GNG4: variants seen among roughly 807,000 people sequenced by gnomAD.
GNG4 encodes guanine nucleotide-binding protein G(I)/G(S)/G(O) subunit gamma-4.
In GNG4, 4 loss-of-function variants were observed where a neutral mutation model predicts 5.8. That is an observed-to-expected ratio of 0.69 (90% confidence interval 0.34 to 1.57). GNG4 has a LOEUF of 1.57. GNG4 is among the 40% of genes most tolerant of loss of function. The pLI is 0.06. For missense variants in GNG4, 96 were observed against 95.1 expected, an observed-to-expected ratio of 1.01 and a Z score of -0.04; for synonymous variants, 29 against 32.9, an observed-to-expected ratio of 0.88 and a Z score of 0.41.
intron 1 of GNG4, among the ~76,000 whole-genome samples, chr1:235,647,393 T>C (rs894585585): frequency 6.6e-6 from 1 of 151,932 alleles, no homozygotes; most frequent in Non-Finnish European, 1.5e-5. Flanking sequence ...TATTAGGCAT[T>C]CTCCCCTCTC....
chr1:235,638,040 G>A (rs904239353), intron 1 of GNG4, among the ~76,000 whole-genome samples: 2 of 152,172 alleles, frequency 1.3e-5, no homozygotes, highest in East Asian at 1.9e-4. Context: ...TCCTGCCTGC[G>A]CATCTGGCCA....
At chr1:235,600,434 GTGTGTA>G (rs756161951) in intron 1 of GNG4, among the ~76,000 whole-genome samples, 2,892 of 106,252 alleles carry the variant, frequency 0.027, 87 homozygotes, top group African/African-American at 0.098. Flanking sequence ...GTGTGTGTGT[GTGTGTA>G]TATGTGTGTG....
At chr1:235,611,053 A>C (rs1405578620) in intron 1 of GNG4, among the ~76,000 whole-genome samples, 3 of 152,236 alleles carry the variant, frequency 2.0e-5, no homozygotes, top group Admixed American at 1.3e-4. Context: ...GTGCCACTGC[A>C]ATCCAGCCTG....
intron 3 of GNG4, among the ~76,000 whole-genome samples, chr1:235,579,444 ACC>A (rs200896661): frequency 1.8e-4 from 27 of 151,412 alleles, no homozygotes; most frequent in Non-Finnish European, 3.2e-4. Flanking sequence ...ATAAAAAAAA[ACC>A]CAGAAAACAA....
chr1:235,551,989 C>T lies in GNG4; in HGVS notation c.*120G>A, dbSNP rs988613293. 22 of 739,128 alleles carry T rather than the reference C, an allele frequency of 3.0e-5. No individual in the cohort carries two copies. Among genetic ancestry groups the T allele is most frequent in the Admixed American group, 4.7e-5 (2 of 42,468 alleles). The allele number at this position is 739,128 out of a possible 1,614,324, so 45.8% of individuals were successfully genotyped here. ...ACAGATGGAAACATAAGACAAGCCCCGGCCACTGTTGGCTGGGCAGGGATG... is the reference window on the plus strand; with the variant it reads ...ACAGATGGAAACATAAGACAAGCCCTGGCCACTGTTGGCTGGGCAGGGATG... On this transcript the variant is annotated 3_prime_UTR_variant, in exon 4 of 4. Transcript: ENST00000391854.
chr1:235,619,525 G>T (rs1190388179), intron 1 of GNG4, among the ~76,000 whole-genome samples: 1 of 152,148 alleles, frequency 6.6e-6, no homozygotes, highest in Non-Finnish European at 1.5e-5. Context: ...TCCTTATCTT[G>T]CCTGTTGACT....
chr1:235,621,008 G>A (rs1215397701), intron 1 of GNG4, among the ~76,000 whole-genome samples: 2 of 152,098 alleles, frequency 1.3e-5, no homozygotes, highest in Non-Finnish European at 2.9e-5. Context: ...CCAGCACCAG[G>A]TGTCTGCTCC....
At chr1:235,603,671 A>G (rs74148721) in intron 1 of GNG4, among the ~76,000 whole-genome samples, 32,994 of 152,262 alleles carry the variant, frequency 0.22, 4,155 homozygotes, top group African/African-American at 0.32. Context: ...GATAGCATCC[A>G]GCTGGTCTAA....
intron 2 of GNG4, among the ~76,000 whole-genome samples, chr1:235,593,692 G>A (rs1044541239): frequency 6.6e-6 from 1 of 152,160 alleles, no homozygotes; most frequent in African/African-American, 2.4e-5. Context: ...TGGTCTCGCT[G>A]GCTCAGGAGT....
chr1:235,616,392 T>C (rs566389916), intron 1 of GNG4: 1 of 321,722 alleles, frequency 3.1e-6, no homozygotes, highest in Non-Finnish European at 6.1e-6. Flanking sequence ...CAGATCCAGA[T>C]TGGGTAGGGC....
intron 1 of GNG4, among the ~76,000 whole-genome samples, chr1:235,606,944 C>CTTTT (rs1181596456): frequency 4.8e-5 from 6 of 123,716 alleles, no homozygotes; most frequent in Non-Finnish European, 6.6e-5. Flanking sequence ...CCTTTCTTTC[C>CTTTT]TTTTTTTTTT....
In GNG4 at chr1:235,648,689, A is replaced by G. The variant is rs1360874550; in HGVS notation, c.-123+973T>C. 1.3e-5 allele frequency among the ~76,000 whole-genome samples: 2 copies of G among 152,180 alleles called. No individual in the cohort carries two copies. Among genetic ancestry groups the G allele is most frequent in the East Asian group, 3.9e-4 (2 of 5,188 alleles). ...GGACTGGCACGTTTTAATGGAGCACACGGGCGCAGCCTAGGCGGCCTTTTG... is the reference window on the plus strand; with the variant it reads ...GGACTGGCACGTTTTAATGGAGCACGCGGGCGCAGCCTAGGCGGCCTTTTG... On this transcript the variant is annotated intron_variant, in intron 1 of 3. Coordinates refer to ENST00000391854, the MANE Select transcript of GNG4 (RefSeq NM_001098722.2). This position sits in a 1 kb window ranked among gnomAD's most constrained non-coding sequence, Gnocchi z 5.0.
intron 1 of GNG4, among the ~76,000 whole-genome samples, chr1:235,607,137 G>C (rs1398756501): frequency 6.6e-6 from 1 of 151,680 alleles, no homozygotes; most frequent in Non-Finnish European, 1.5e-5. Context: ...AGTAGAAATG[G>C]GGTTTCACTA....
At chr1:235,606,028 C>A (rs188836441) in intron 1 of GNG4, among the ~76,000 whole-genome samples, 36 of 152,026 alleles carry the variant, frequency 2.4e-4, no homozygotes, top group African/African-American at 7.7e-4. Context: ...CTGGCCTCAG[C>A]CTCCCAAGTA....
chr1:235,587,328 A>AGT (rs142695404), intron 2 of GNG4, among the ~76,000 whole-genome samples: 2 of 51,720 alleles, frequency 3.9e-5, no homozygotes, highest in African/African-American at 2.4e-4. Context: ...TGTGTGTGAG[A>AGT]GTGTGAGAGC....
chr1:235,552,906 C>T (rs1235930785), intron 3 of GNG4, among the ~76,000 whole-genome samples: 2 of 152,106 alleles, frequency 1.3e-5, no homozygotes, highest in Admixed American at 1.3e-4. Context: ...AGATTACAGG[C>T]ACTCACCATG....
chr1:235,601,595 G>C (rs1326823008), intron 1 of GNG4, among the ~76,000 whole-genome samples: 1 of 152,172 alleles, frequency 6.6e-6, no homozygotes, highest in Non-Finnish European at 1.5e-5. Context: ...TATGTGGGCT[G>C]GCTGTCCACA....
chr1:235,556,146 C>A (rs1686900674), intron 3 of GNG4, among the ~76,000 whole-genome samples: 1 of 151,868 alleles, frequency 6.6e-6, no homozygotes, highest in African/African-American at 2.4e-5. Flanking sequence ...GGATTACAGG[C>A]ATGAGCCTCT....
intron 1 of GNG4, among the ~76,000 whole-genome samples, chr1:235,600,100 C>CATTTTTTTTTTTTTTTTT (rs1688222477): frequency 2.3e-5 from 1 of 43,128 alleles, no homozygotes; most frequent in African/African-American, 1.0e-4. Context: ...CGGAAGAAAG[C>CATTTTTTTTTTTTTTTTT]TTTTTTTTTT....
Sources: allele counts gnomAD v4.1 joint callset (sites outside exome capture counted in the v4.1 genomes callset), GRCh38; gene constraint gnomAD v4.1.1; non-coding constraint Gnocchi (gnomAD v3.1); transcripts MANE v1.5; gene names NCBI Gene and HGNC (gene_info 2026-07-23, HGNC 2026-07-21).